GALNT13: variants seen among roughly 807,000 people sequenced by gnomAD.
GALNT13 encodes polypeptide N-acetylgalactosaminyltransferase 13, also known as UDP-GalNAc:polypeptide N-acetylgalactosaminyltransferase 13.
In GALNT13, 28 loss-of-function variants were observed where a neutral mutation model predicts 64.2. The observed-to-expected ratio is 0.44, with a 90% CI of 0.32 to 0.60. The LOEUF (loss-of-function observed/expected upper bound fraction) is 0.60. GALNT13 is among the 20% of genes least tolerant of loss of function. The probability of loss-of-function intolerance (pLI) is 0.05; values close to 1 mark genes in which losing one functional copy is unlikely to be tolerated. For missense variants in GALNT13, 577 were observed against 669.8 expected (o/e 0.86, Z 1.53); for synonymous variants, 214 against 224.6 (o/e 0.95, Z 0.42).
intron 12 of GALNT13, among the ~76,000 whole-genome samples, chr2:154,442,503 G>A (rs113640235): frequency 2.6e-3 from 393 of 152,140 alleles, no homozygotes; most frequent in African/African-American, 9.0e-3. Flanking sequence ...GGGTACCTAC[G>A]TGGTCTGGAA....
chr2:153,081,654 T>G, the GALNT13 span, among the ~76,000 whole-genome samples: 1 of 152,172 alleles, frequency 6.6e-6, no homozygotes, highest in Non-Finnish European at 1.5e-5. Flanking sequence ...TTACTTAACC[T>G]AGTGATTTCT....
the GALNT13 span, among the ~76,000 whole-genome samples, chr2:153,428,245 G>A: frequency 1.3e-5 from 2 of 152,174 alleles, no homozygotes; most frequent in Non-Finnish European, 2.9e-5. Flanking sequence ...GGCTATACTA[G>A]CATGGCACCA....
the GALNT13 span, among the ~76,000 whole-genome samples, chr2:153,646,728 C>T: frequency 2.6e-5 from 4 of 152,006 alleles, no homozygotes; most frequent in Non-Finnish European, 5.9e-5. Context: ...TTTTTTCGTC[C>T]TTGCGATAGT....
chr2:153,795,059 T>A, the GALNT13 span, among the ~76,000 whole-genome samples: 1 of 152,202 alleles, frequency 6.6e-6, no homozygotes, highest in Non-Finnish European at 1.5e-5. Flanking sequence ...CTCACAGGTT[T>A]GGCTTTCAGC....
At chr2:154,176,226 A>G (rs1685638817) in intron 4 of GALNT13, among the ~76,000 whole-genome samples, 1 of 150,298 alleles carries the variant, frequency 6.7e-6, no homozygotes, top group Non-Finnish European at 1.5e-5. Context: ...TTTAAGGTCT[A>G]GTAGAACATA....
intron 3 of GALNT13, among the ~76,000 whole-genome samples, chr2:154,088,457 T>C (rs1401990206): frequency 6.6e-6 from 1 of 152,164 alleles, no homozygotes; most frequent in African/African-American, 2.4e-5. Flanking sequence ...TATTTCTTTA[T>C]TTATATATTT....
At chr2:154,384,479 A>G (rs181382116) in intron 9 of GALNT13, among the ~76,000 whole-genome samples, 51 of 151,910 alleles carry the variant, frequency 3.4e-4, no homozygotes, top group African/African-American at 1.1e-3. Flanking sequence ...TCACCATTAT[A>G]TAATATATCT....
At chr2:153,344,648 G>A in the GALNT13 span, among the ~76,000 whole-genome samples, 1 of 152,148 alleles carries the variant, frequency 6.6e-6, no homozygotes, top group Non-Finnish European at 1.5e-5. Flanking sequence ...TAATTATACA[G>A]GATGGATAAG....
chr2:154,063,624 A>G (rs1456945866), intron 3 of GALNT13, among the ~76,000 whole-genome samples: 1 of 152,190 alleles, frequency 6.6e-6, no homozygotes. Context: ...CATCATTATT[A>G]TCCAACACCA....
the GALNT13 span, among the ~76,000 whole-genome samples, chr2:153,223,728 G>C: frequency 6.6e-6 from 1 of 152,150 alleles, no homozygotes; most frequent in Non-Finnish European, 1.5e-5. Context: ...GGAGGCTGAA[G>C]CTGGGGGATC....
At chr2:153,123,029 A>C in the GALNT13 span, among the ~76,000 whole-genome samples, 1 of 152,266 alleles carries the variant, frequency 6.6e-6, no homozygotes, top group Non-Finnish European at 1.5e-5. Context: ...CAGAAGACCC[A>C]GGGGAGAATC....
chr2:153,911,898 G>T (rs1336572121), intron 2 of GALNT13, among the ~76,000 whole-genome samples: 1 of 152,036 alleles, frequency 6.6e-6, no homozygotes, highest in African/African-American at 2.4e-5. Context: ...TGGTCTTCCT[G>T]TGAAGTATTT....
chr2:153,240,804 G>C, the GALNT13 span, among the ~76,000 whole-genome samples: 1 of 152,096 alleles, frequency 6.6e-6, no homozygotes, highest in East Asian at 1.9e-4. Flanking sequence ...GAGTATCCTA[G>C]GTGCTGCCAA....
At chr2:154,073,933 A>T (rs1013657038) in intron 3 of GALNT13, among the ~76,000 whole-genome samples, 4 of 152,078 alleles carry the variant, frequency 2.6e-5, no homozygotes, top group African/African-American at 9.6e-5. Flanking sequence ...GTTTCTAATA[A>T]GGCAGATACT....
intron 10 of GALNT13, among the ~76,000 whole-genome samples, chr2:154,399,971 C>T (rs1201227949): frequency 6.6e-6 from 1 of 152,108 alleles, no homozygotes. Context: ...TATTAATGTA[C>T]TGTAGTTTTC....
At chr2:153,426,109 T>A in the GALNT13 span, among the ~76,000 whole-genome samples, 2 of 151,900 alleles carry the variant, frequency 1.3e-5, no homozygotes, top group South Asian at 2.1e-4. Flanking sequence ...ATTTGGCCAT[T>A]ACATTACTCT....
At chr2:153,509,188 T>C in the GALNT13 span, among the ~76,000 whole-genome samples, 1 of 152,216 alleles carries the variant, frequency 6.6e-6, no homozygotes, top group African/African-American at 2.4e-5. Flanking sequence ...CAGGTACTTT[T>C]GAGCCTGCGG....
At chr2:153,319,940 C>T in the GALNT13 span, among the ~76,000 whole-genome samples, 1 of 151,836 alleles carries the variant, frequency 6.6e-6, no homozygotes, top group Non-Finnish European at 1.5e-5. Context: ...GAAGGGGAGA[C>T]CAACCATAAA....
At chr2:154,362,000 G>A (rs1382760237) in intron 9 of GALNT13, among the ~76,000 whole-genome samples, 1 of 152,044 alleles carries the variant, frequency 6.6e-6, no homozygotes, top group African/African-American at 2.4e-5. Flanking sequence ...CTTGGTAAAA[G>A]ATCCTGCTAC....
Sources: gnomAD v4.1 joint callset for allele counts (sites outside exome capture counted in the v4.1 genomes callset) on GRCh38, gnomAD v4.1.1 for gene constraint, MANE v1.5 for transcripts, NCBI Gene and HGNC (gene_info 2026-07-23, HGNC 2026-07-21) for gene names.